Variants in PDE3B observed in about 807,000 individuals in gnomAD.
PDE3B encodes the protein cGMP-inhibited 3',5'-cyclic phosphodiesterase 3B.
In PDE3B, 66 loss-of-function variants were observed where a neutral mutation model predicts 116.8. That is an observed-to-expected ratio of 0.56 (90% CI 0.46 to 0.69). PDE3B has a LOEUF of 0.69. PDE3B is among the 30% of genes least tolerant of loss of function. The pLI is 0.00. For synonymous variants in PDE3B, 595 were observed against 533.6 expected, an observed-to-expected ratio of 1.12 and a Z score of -1.59; for missense variants, 1,384 against 1,368.1, an observed-to-expected ratio of 1.01 and a Z score of -0.18.
intron 1 of PDE3B, among the ~76,000 whole-genome samples, chr11:14,647,304 T>C (rs1450174274): frequency 1.3e-5 from 2 of 152,042 alleles, no homozygotes; most frequent in Non-Finnish European, 2.9e-5. Flanking sequence ...AGACAGAGGA[T>C]TGAGGAGTCT....
intron 15 of PDE3B, among the ~76,000 whole-genome samples, chr11:14,868,563 G>A (rs1458279212): frequency 6.6e-6 from 1 of 152,076 alleles, no homozygotes; most frequent in Non-Finnish European, 1.5e-5. Flanking sequence ...AGTATAAATG[G>A]AAAATGAAAT....
At chr11:14,660,587 A>G (rs1453226233) in intron 1 of PDE3B, among the ~76,000 whole-genome samples, 1 of 152,088 alleles carries the variant, frequency 6.6e-6, no homozygotes. Context: ...TGCAGGCATG[A>G]GCCACTATTC....
intron 4 of PDE3B, among the ~76,000 whole-genome samples, chr11:14,803,470 T>G (rs1357576578): frequency 6.6e-6 from 1 of 152,148 alleles, no homozygotes; most frequent in Admixed American, 6.5e-5. Flanking sequence ...TATAAGAACT[T>G]GTTAGAAGTG....
chr11:14,897,210 G>C, the PDE3B span, among the ~76,000 whole-genome samples: 1 of 152,088 alleles, frequency 6.6e-6, no homozygotes, highest in South Asian at 2.1e-4. Context: ...GAAAGATTTG[G>C]CTACATTTCA....
chr11:14,841,182 G>A (rs936167966), intron 11 of PDE3B, among the ~76,000 whole-genome samples: 1 of 151,752 alleles, frequency 6.6e-6, no homozygotes, highest in Non-Finnish European at 1.5e-5. Flanking sequence ...GAGCAAACAG[G>A]AATTCCACCA....
chr11:14,695,401 G>A (rs1405488811), intron 1 of PDE3B, among the ~76,000 whole-genome samples: 3 of 152,080 alleles, frequency 2.0e-5, no homozygotes, highest in Non-Finnish European at 4.4e-5. Flanking sequence ...TATGGATAAA[G>A]CTTGTGTGAG....
At chr11:14,863,449 G>C (rs1555007575) in intron 14 of PDE3B, among the ~76,000 whole-genome samples, 1 of 152,130 alleles carries the variant, frequency 6.6e-6, no homozygotes, top group African/African-American at 2.4e-5. Context: ...TACTGATGAT[G>C]AGCTTTTTTC....
intron 12 of PDE3B, among the ~76,000 whole-genome samples, chr11:14,850,808 A>T (rs10832309): frequency 0.13 from 19,707 of 151,914 alleles, 1,418 homozygotes; most frequent in African/African-American, 0.19. Context: ...TAGGACTTGG[A>T]ACTAAATATG....
intron 2 of PDE3B, among the ~76,000 whole-genome samples, chr11:14,784,628 A>G (rs1366555144): frequency 6.6e-6 from 1 of 152,182 alleles, no homozygotes; most frequent in Non-Finnish European, 1.5e-5. Flanking sequence ...GGAACAAGGA[A>G]CAGAAGAAAC....
Position 14,786,577 on chromosome 11 carries a change from C to G in PDE3B, c.1170C>G (p.Phe390Leu). 6.2e-7 allele frequency: 1 copy of G among 1,613,306 alleles called. No individual in the cohort carries two copies. Among genetic ancestry groups the G allele is most frequent in the Non-Finnish European group, 8.5e-7 (1 of 1,179,426 alleles). Residue 390 changes from phenylalanine (F) to leucine (L), a missense_variant, in exon 3 of 16, where the codon TTC (phenylalanine) becomes TTG (leucine). Around this residue, in one of 2 missense-constraint regions of PDE3B, gnomAD observed 956 missense variants for 806.8 expected, o/e 1.18. Coordinates refer to ENST00000282096, the MANE Select transcript of PDE3B (RefSeq NM_000922.4). Reference protein sequence around the residue: ...LRSISSLMGAFSGSCRPKINP... With the variant: ...LRSISSLMGALSGSCRPKINP... ...GTATTAGTAGCTTAATGGGTGCTTT[C>G]TCAGGTTCCTGTAGGCCAAAGATTA...
chr11:14,690,528 T>C (rs1427697859), intron 1 of PDE3B, among the ~76,000 whole-genome samples: 2 of 152,128 alleles, frequency 1.3e-5, no homozygotes, highest in Non-Finnish European at 2.9e-5. Context: ...TCTGGATTCT[T>C]GTGATGTTTA....
chr11:14,835,485 A>G (rs910461706), intron 11 of PDE3B, among the ~76,000 whole-genome samples: 5 of 152,140 alleles, frequency 3.3e-5, no homozygotes, highest in Non-Finnish European at 7.4e-5. Flanking sequence ...CATTTAAAAT[A>G]CATAACATTC....
At chr11:14,836,531 A>G (rs955931592) in intron 11 of PDE3B, among the ~76,000 whole-genome samples, 2 of 152,108 alleles carry the variant, frequency 1.3e-5, no homozygotes, top group African/African-American at 4.8e-5. Flanking sequence ...AGCCGCTCCC[A>G]CATTTTTAGG....
At chr11:14,874,200 A>G (rs898595701), downstream of PDE3B, among the ~76,000 whole-genome samples, 2 of 151,780 alleles carry the variant, frequency 1.3e-5, no homozygotes, top group Non-Finnish European at 2.9e-5. Context: ...TAAGATCATG[A>G]CTCATGCTTT....
chr11:14,811,308 C>T (rs1482080083), intron 5 of PDE3B, among the ~76,000 whole-genome samples: 4 of 152,052 alleles, frequency 2.6e-5, no homozygotes, highest in Non-Finnish European at 4.4e-5. Context: ...TTAGGTCTAA[C>T]GTTTAAGTCT....
At chr11:14,734,346 C>T (rs114282865) in intron 1 of PDE3B, among the ~76,000 whole-genome samples, 1,761 of 152,330 alleles carry the variant, frequency 0.012, 29 homozygotes, top group African/African-American at 0.04. Context: ...GCTGGGTTTA[C>T]AGGCATGAGC....
At position 14,864,705 on chromosome 11, in the gene PDE3B, T is replaced by G. The variant is rs557892508; in HGVS notation, c.2887-2801T>G. On this transcript the variant is annotated intron_variant, in intron 14 of 15. Coordinates refer to ENST00000282096, the MANE Select transcript of PDE3B (RefSeq NM_000922.4). ...AACTTGCTCCTGAATGACTACTGGG[T>G]AAATAACGAAATTAAGGCACAATGA... 9.8e-4 allele frequency among the ~76,000 whole-genome samples: 149 copies of G among 152,106 alleles called. 1 individual carries two copies. The highest frequency in any genetic ancestry group is 1.9e-3 in the Non-Finnish European group (131 of 67,990).
intron 1 of PDE3B, among the ~76,000 whole-genome samples, chr11:14,663,341 C>T (rs1035994777): frequency 1.3e-5 from 2 of 152,156 alleles, no homozygotes; most frequent in African/African-American, 4.8e-5. Context: ...CCGGTACCAG[C>T]CCCTGCAAAA....
chr11:14,858,754 C>G (rs1171701887), intron 12 of PDE3B, among the ~76,000 whole-genome samples: 2 of 152,168 alleles, frequency 1.3e-5, no homozygotes, highest in Non-Finnish European at 2.9e-5. Flanking sequence ...AACTTTACAT[C>G]TCTTGGGAGG....
Sources: gnomAD v4.1 joint callset for allele counts (sites outside exome capture counted in the v4.1 genomes callset) on GRCh38, gnomAD v4.1.1 for gene constraint, gnomAD v4.1.1 regional missense constraint, MANE v1.5 for transcripts, NCBI Gene and HGNC (gene_info 2026-07-23, HGNC 2026-07-21) for gene names.